Variants in NTM observed in about 807,000 individuals in gnomAD.
NTM encodes the protein neurotrimin.
In NTM, 13 loss-of-function variants were observed where a neutral mutation model predicts 42.1. The observed-to-expected ratio is 0.31, with a 90% CI of 0.20 to 0.49. NTM has a LOEUF of 0.49. Ranked by LOEUF, NTM falls within the 20% of genes least tolerant of loss-of-function variation. The pLI, the probability that NTM is intolerant of heterozygous loss-of-function variation, is 0.99. For missense variants in NTM, 373 were observed against 452.8 expected (o/e 0.82, Z 1.60); for synonymous variants, 187 against 179.2 (o/e 1.04, Z -0.35).
At chr11:132,213,878 G>T (rs1432513389) in intron 4 of NTM, among the ~76,000 whole-genome samples, 6 of 115,666 alleles carry the variant, frequency 5.2e-5, no homozygotes, top group African/African-American at 1.8e-4. Flanking sequence ...GGGACTACAG[G>T]CGCCCGCCAC....
At chr11:132,037,990 T>C (rs182198173) in intron 2 of NTM, among the ~76,000 whole-genome samples, 2 of 152,334 alleles carry the variant, frequency 1.3e-5, no homozygotes, top group East Asian at 3.9e-4. Context: ...ATTAACTATG[T>C]AAATAGGCAG....
chr11:132,002,603 C>G lies in NTM; in HGVS notation c.167+90955C>G, dbSNP rs1004625449. Reference sequence around the variant, plus strand: ...CCATTGCTTGAATAACTTTCTGCCTCTAGTATCCCCAAACTTATGTTTTGT... The same window carrying G: ...CCATTGCTTGAATAACTTTCTGCCTGTAGTATCCCCAAACTTATGTTTTGT... On this transcript the variant is annotated intron_variant, in intron 2 of 8. Transcript: ENST00000683400. The surrounding 1 kb of genome is among the most constrained non-coding windows in gnomAD (Gnocchi z 4.5). Among the ~76,000 whole-genome samples the G allele has an allele frequency of 2.6e-5, 4 of 152,208 alleles. No individual in the cohort carries two copies. The highest frequency in any genetic ancestry group is 5.9e-5 in the Non-Finnish European group (4 of 68,032).
chr11:131,817,439 C>A (rs945579791), intron 1 of NTM, among the ~76,000 whole-genome samples: 1 of 151,922 alleles, frequency 6.6e-6, no homozygotes, highest in Non-Finnish European at 1.5e-5. Flanking sequence ...AACACTTGAC[C>A]CTAAAACTGC....
intron 2 of NTM, among the ~76,000 whole-genome samples, chr11:132,110,948 G>GTCCCAGC (rs947689347): frequency 6.6e-6 from 1 of 150,816 alleles, no homozygotes; most frequent in African/African-American, 2.4e-5. Flanking sequence ...TGCACCTGCA[G>GTCCCAGC]TCCCAGCTAC....
chr11:131,500,591 T>A (rs1198668316), intron 1 of NTM, among the ~76,000 whole-genome samples: 40 of 136,694 alleles, frequency 2.9e-4, no homozygotes, highest in African/African-American at 1.1e-3. Flanking sequence ...TTTTTTTTTT[T>A]TTTTGTATTA....
At chr11:131,676,692 C>T (rs1302441508) in intron 1 of NTM, among the ~76,000 whole-genome samples, 1 of 152,164 alleles carries the variant, frequency 6.6e-6, no homozygotes, top group Non-Finnish European at 1.5e-5. Flanking sequence ...GCCTGGTGCA[C>T]TTTTTCTTCG....
chr11:132,179,177 A>T (rs148973505), intron 3 of NTM, among the ~76,000 whole-genome samples: 145 of 152,342 alleles, frequency 9.5e-4, no homozygotes, highest in African/African-American at 3.3e-3. Flanking sequence ...GAAACAAAAA[A>T]GAGGATCAAA....
At chr11:131,922,852 T>A (rs2057417012) in intron 2 of NTM, among the ~76,000 whole-genome samples, 2 of 152,210 alleles carry the variant, frequency 1.3e-5, no homozygotes, top group African/African-American at 2.4e-5. Flanking sequence ...GGCTTTTTAA[T>A]CGCCTGGTGC....
chr11:131,588,572 A>G (rs559675780), intron 1 of NTM, among the ~76,000 whole-genome samples: 1 of 152,238 alleles, frequency 6.6e-6, no homozygotes, highest in Non-Finnish European at 1.5e-5. Context: ...AGTGATAGCC[A>G]GAGGGATTTG....
At chr11:132,209,133 T>C (rs1311132257) in intron 3 of NTM, among the ~76,000 whole-genome samples, 1 of 152,232 alleles carries the variant, frequency 6.6e-6, no homozygotes. Context: ...AATGATCAAT[T>C]TAAATGATTC....
chr11:131,673,625 G>T (rs2070815051), intron 1 of NTM, among the ~76,000 whole-genome samples: 1 of 152,106 alleles, frequency 6.6e-6, no homozygotes, highest in East Asian at 1.9e-4. Context: ...GTCTGCTTTT[G>T]GGAACTCTGC....
chr11:131,496,787 CT>C (rs1220129297), intron 1 of NTM, among the ~76,000 whole-genome samples: 1 of 152,200 alleles, frequency 6.6e-6, no homozygotes, highest in Non-Finnish European at 1.5e-5. Flanking sequence ...CCTCCTCCCC[CT>C]ATCTCCTTCA....
chr11:132,104,947 A>G (rs796690514), intron 2 of NTM, among the ~76,000 whole-genome samples: 9,408 of 46,040 alleles, frequency 0.2, 1,530 homozygotes, highest in African/African-American at 0.25. Flanking sequence ...GTATATATAT[A>G]TATATATATA....
At chr11:131,809,825 G>A (rs1286306096) in intron 1 of NTM, among the ~76,000 whole-genome samples, 3 of 152,138 alleles carry the variant, frequency 2.0e-5, no homozygotes, top group African/African-American at 7.2e-5. Flanking sequence ...GTGTCCCAAA[G>A]GTAGGTGAGC....
At chr11:132,004,453 C>G (rs1229379793) in intron 2 of NTM, among the ~76,000 whole-genome samples, 1 of 152,116 alleles carries the variant, frequency 6.6e-6, no homozygotes, top group Non-Finnish European at 1.5e-5. Context: ...GATCTCTCTT[C>G]TCTTGTCTGG....
In NTM at chr11:131,401,812, A is replaced by ATATATATATATATATATATATGTG. The variant is rs1945185957; in HGVS notation, c.82+30945_82+30946insGTGTATATATATATATATATATAT. 4.2e-4 allele frequency among the ~76,000 whole-genome samples: 9 copies of ATATATATATATATATATATATGTG among 21,614 alleles called. 2 individuals are homozygous for ATATATATATATATATATATATGTG. Among genetic ancestry groups the ATATATATATATATATATATATGTG allele is most frequent in the Non-Finnish European group, 5.5e-4 (7 of 12,734 alleles). 14.2% of individuals were successfully genotyped at this position (21,614 alleles called of 152,430 possible). On this transcript the variant is annotated intron_variant, in intron 1 of 8. Transcript: ENST00000683400. ...CAGGCCACTGGAAATATATATATAT[A>ATATATATATATATATATATATGTG]TATATATATATATATATATATATAT... is the stretch of plus-strand genomic sequence containing the variant.
Position 132,233,261 on chromosome 11 carries a change from C to A in NTM, c.526+21114C>A, listed in dbSNP as rs1246557566. Among the ~76,000 whole-genome samples, 3 of 152,088 alleles carry A rather than the reference C, an allele frequency of 2.0e-5. No individual in the cohort carries two copies. In the South Asian group the frequency reaches 6.2e-4, roughly 32 times the overall value. On this transcript the variant is annotated intron_variant, in intron 4 of 8. Coordinates refer to ENST00000683400, the MANE Select transcript of NTM (RefSeq NM_001352005.2). The stretch of plus-strand genomic sequence containing the variant: ...TGAAACCCTGTCTCTACTAAAAATG[C>A]AAAATAAAATTAGCCAGGTATGGTG...
intron 2 of NTM, among the ~76,000 whole-genome samples, chr11:132,037,324 G>T (rs1279568206): frequency 1.3e-5 from 2 of 152,102 alleles, no homozygotes; most frequent in African/African-American, 4.8e-5. Context: ...CCTCAGCCAT[G>T]AGGGGAAGCA....
At chr11:132,274,769 A>G (rs893582780) in intron 4 of NTM, among the ~76,000 whole-genome samples, 1 of 152,142 alleles carries the variant, frequency 6.6e-6, no homozygotes, top group Non-Finnish European at 1.5e-5. Context: ...GTGCTATTCA[A>G]TGGAGTATAC....
Sources: allele counts gnomAD v4.1 joint callset (sites outside exome capture counted in the v4.1 genomes callset), GRCh38; gene constraint gnomAD v4.1.1; non-coding constraint Gnocchi (gnomAD v3.1); transcripts MANE v1.5; gene names NCBI Gene and HGNC (gene_info 2026-07-23, HGNC 2026-07-21).